PDGFRB: variants seen among roughly 807,000 people sequenced by gnomAD.
PDGFRB encodes platelet-derived growth factor receptor beta.
Under a neutral mutation model 120.2 loss-of-function variants are expected in PDGFRB, and 42 were observed. The ratio of observed to expected loss-of-function variants is 0.35; its 90% CI spans 0.27 to 0.45. The LOEUF (loss-of-function observed/expected upper bound fraction) is 0.45, where lower values mean the gene tolerates loss of function less well. PDGFRB is among the 20% of genes least tolerant of loss of function. The probability of loss-of-function intolerance (pLI) is 1.00; values close to 1 mark genes in which losing one functional copy is unlikely to be tolerated. For synonymous variants in PDGFRB, 586 were observed against 606.8 expected (o/e 0.97, Z 0.50); for missense variants, 1,149 against 1,476.3 (o/e 0.78, Z 3.63).
Position 150,126,654 on chromosome 5 carries a change from C to T in PDGFRB, c.1580-40G>A, listed in dbSNP as rs111808340. ...GAGAGCAGGCCATGAGCAAACTGGG[C>T]AGCTACCCTCCCCTCACCCCATCTT... On this transcript the variant is annotated intron_variant, in intron 10 of 22. Coordinates refer to ENST00000261799, the MANE Select transcript of PDGFRB (RefSeq NM_002609.4). The T allele has an allele frequency of 2.9e-6, 3 of 1,050,530 alleles. No individual in the cohort carries two copies. In the African/African-American group the frequency reaches 4.7e-5, roughly 16 times the overall value. The allele number at this position is 1,050,530 out of a possible 1,614,324, so 65.1% of individuals were successfully genotyped here.
At chr5:150,133,487 C>T (rs757273869) in intron 6 of PDGFRB, 99 bp downstream of exon 6, 76 of 1,020,958 alleles carry the variant, frequency 7.4e-5, no homozygotes, top group Non-Finnish European at 1.1e-4. Context: ...ATCACTGTAT[C>T]AAAAATGCAA....
rs114187490 is a variant in PDGFRB, at chr5:150,151,436, C to T, written c.-7+3961G>A. 7.1e-3 allele frequency among the ~76,000 whole-genome samples: 1,080 copies of T among 152,302 alleles called. 16 individuals carry two copies. Among genetic ancestry groups the T allele is most frequent in the African/African-American group, 0.025 (1,052 of 41,558 alleles). On this transcript the variant is annotated intron_variant, in intron 1 of 22. Transcript: ENST00000261799. ...TTTACACTGGATCCCCAGGGGCATC[C>T]CAGGCCCCATCCAGCCTCTCATCAA...
At chr5:150,150,706 T>C (rs58746386) in intron 1 of PDGFRB, among the ~76,000 whole-genome samples, 28,237 of 151,822 alleles carry the variant, frequency 0.19, 2,830 homozygotes, top group Middle Eastern at 0.28. Context: ...AGGAGGGATG[T>C]GAAGTGGGCT....
At chr5:150,119,625 C>A in intron 19 of PDGFRB, 59 bp from the exon 20 acceptor site, 1 of 1,002,418 alleles carries the variant, frequency 1.0e-6, no homozygotes, top group African/African-American at 1.6e-5. Context: ...TGGCAGGGCA[C>A]CCTCTTCTAC....
chr5:150,119,472 G>A lies in PDGFRB; in HGVS notation c.2793C>T (p.Asp931=), dbSNP rs751315712. ...ATGCATGAGACTCCACTCACATCTC[G>A]TCGGAGGCATGGGCAGGCTGGGCCA... The part of the protein sequence containing the change: ...YRMAQPAHAS[D]EIYEIMQKCW... The change falls in exon 20 of 23, where the codon GAC becomes GAT. Residue 931 remains aspartate, a synonymous_variant. Transcript: ENST00000261799. 6.3e-6 allele frequency: 10 copies of A among 1,575,942 alleles called. No individual in the cohort carries two copies. The highest frequency in any genetic ancestry group is 4.5e-5 in the East Asian group (2 of 44,752).
At chr5:150,125,620 A>G (rs2113897294) in intron 11 of PDGFRB, 43 bp from the exon 12 acceptor site, 1 of 1,607,430 alleles carries the variant, frequency 6.2e-7, no homozygotes, top group East Asian at 2.2e-5. Context: ...AGGGAGTCTC[A>G]GGCCCTGAGC....
intron 9 of PDGFRB, among the ~76,000 whole-genome samples, chr5:150,130,246 A>G (rs577445558): frequency 6.6e-6 from 1 of 152,312 alleles, no homozygotes; most frequent in Non-Finnish European, 1.5e-5. Flanking sequence ...GCCTCTGTCC[A>G]CTGCATTAGA....
chr5:150,126,540 G>T lies in PDGFRB; in HGVS notation c.1654C>A (p.Leu552Ile), dbSNP rs576771944. The T allele has an allele frequency of 1.3e-6, 2 of 1,599,672 alleles. No individual in the cohort carries two copies. Among genetic ancestry groups the T allele is most frequent in the South Asian group, 1.1e-5 (1 of 90,754 alleles). Residue 552 changes from leucine (L) to isoleucine (I), a missense_variant, in exon 11 of 23, where the codon CTC (leucine) becomes ATC (isoleucine). This residue lies in a region of PDGFRB where 879 missense variants were observed against 1,108.6 expected (regional missense o/e 0.79). Transcript: ENST00000261799. ...VVLTIISLII[L>I]IMLWQKKPRY... is the part of the protein sequence containing the mutation. The stretch of plus-strand genomic sequence containing the variant: ...CTTACCTTCTGCCAAAGCATGATGA[G>T]GATGATAAGGGAGATGATGGTGAGC...
chr5:150,152,198 T>G (rs1761097791), intron 1 of PDGFRB, among the ~76,000 whole-genome samples: 1 of 152,160 alleles, frequency 6.6e-6, no homozygotes, highest in Non-Finnish European at 1.5e-5. Context: ...TGAGCCACCG[T>G]GCCCAGCCTC....
rs775066954 is a variant in PDGFRB at position 150,120,852 on chromosome 5, T to C, written c.2586+36A>G. ...AATCTGTTCCTGCGGTCACAGGCAC[T>C]GTGACTGCCCTGCAGGGGCCAGGGA... is the stretch of plus-strand genomic sequence containing the variant. On this transcript the variant is annotated intron_variant, in intron 18 of 22. Coordinates refer to ENST00000261799, the MANE Select transcript of PDGFRB (RefSeq NM_002609.4). This position sits in a 1 kb window ranked among gnomAD's most constrained non-coding sequence, Gnocchi z 4.3. 1.0e-5 allele frequency: 16 copies of C among 1,607,616 alleles called. No homozygotes were observed. Among genetic ancestry groups the C allele is most frequent in the Non-Finnish European group, 1.4e-5 (16 of 1,174,298 alleles).
At position 150,135,744 on chromosome 5, in the gene PDGFRB, G is replaced by A. The variant is rs144954868; in HGVS notation, c.175C>T (p.Pro59Ser). ...TFVLTCSGSA[P>S]VVWERMSQEP... ...TGGGACATCCGTTCCCACACCACCG[G>A]AGCTGAACCCGAGCAGGTCAGAACG... The change falls in exon 3 of 23, where the codon CCG becomes TCG. Residue 59 changes from proline to serine, a missense_variant. Physicochemically the swap from Pro to Ser is moderately conservative, Grantham distance 74 (BLOSUM62 -1). Around this residue, in one of 3 missense-constraint regions of PDGFRB, gnomAD observed 879 missense variants for 1,108.6 expected, o/e 0.79. Transcript: ENST00000261799. The A allele has an allele frequency of 6.2e-7, 1 of 1,614,144 alleles. No individual in the cohort carries two copies. The highest frequency in any genetic ancestry group is 8.5e-7 in the Non-Finnish European group (1 of 1,180,004).
intron 10 of PDGFRB, among the ~76,000 whole-genome samples, chr5:150,129,526 G>A (rs528737559): frequency 1.3e-5 from 2 of 152,320 alleles, no homozygotes; most frequent in East Asian, 3.9e-4. Context: ...CCACACTGAA[G>A]GATATTCATA....
rs1255645785 is a variant in PDGFRB at position 150,120,963 on chromosome 5, G to A, written c.2511C>T (p.Gly837=). The change falls in exon 18 of 23, where the codon GGC becomes GGT. Residue 837 remains glycine, a synonymous_variant. Coordinates refer to ENST00000261799, the MANE Select transcript of PDGFRB (RefSeq NM_002609.4). The surrounding 1 kb of genome is among the most constrained non-coding windows in gnomAD (Gnocchi z 4.3). ...CAAAGTCACAGATCTTGACCAGCTT[G>A]CCTTCACAGATGAGCACGTTCCTAG... ...LAARNVLICE[G]KLVKICDFGL... is the part of the protein sequence containing the mutation. 1.2e-6 allele frequency: 2 copies of A among 1,613,652 alleles called. No homozygotes were observed. The highest frequency in any genetic ancestry group is 2.7e-5 in the African/African-American group (2 of 74,882).
chr5:150,127,328 C>T (rs1393410678), intron 10 of PDGFRB, among the ~76,000 whole-genome samples: 1 of 152,192 alleles, frequency 6.6e-6, no homozygotes, highest in Non-Finnish European at 1.5e-5. Context: ...CTCTCCCCTG[C>T]CCTGCCCTGC....
chr5:150,125,776 C>G (rs1760277785), intron 11 of PDGFRB, among the ~76,000 whole-genome samples, 199 bp from the exon 12 acceptor site: 1 of 152,210 alleles, frequency 6.6e-6, no homozygotes, highest in Admixed American at 6.5e-5. Flanking sequence ...CAAGGGGCCC[C>G]AGAGGAGGCT....
intron 1 of PDGFRB, 111 bp from the exon 2 acceptor site, chr5:150,137,164 A>C: frequency 2.4e-6 from 2 of 816,652 alleles, no homozygotes; most frequent in Non-Finnish European, 3.9e-6. Context: ...CCCAGCCTTC[A>C]TGTCCGAGGG....
chr5:150,116,782 G>A (rs1408553009), intron 22 of PDGFRB, among the ~76,000 whole-genome samples: 1 of 152,166 alleles, frequency 6.6e-6, no homozygotes, highest in African/African-American at 2.4e-5. Context: ...CTCTTGGATG[G>A]TTGGCCTCTT....
At chr5:150,151,880 A>T (rs926335677) in intron 1 of PDGFRB, among the ~76,000 whole-genome samples, 5 of 150,670 alleles carry the variant, frequency 3.3e-5, no homozygotes, top group African/African-American at 1.2e-4. Flanking sequence ...AAAAAAAAAA[A>T]AGTGGGGAGA....
chr5:150,117,531 C>CGT (rs1759979734), intron 22 of PDGFRB, 87 bp downstream of exon 22: 34 of 573,442 alleles, frequency 5.9e-5, no homozygotes, highest in South Asian at 4.9e-4. Flanking sequence ...CCTGGCAGCG[C>CGT]GCGCGCGCGC....
Sources: allele counts gnomAD v4.1 joint callset (sites outside exome capture counted in the v4.1 genomes callset), GRCh38; gene constraint gnomAD v4.1.1; regional missense constraint gnomAD v4.1.1; non-coding constraint Gnocchi (gnomAD v3.1); transcripts MANE v1.5; gene names NCBI Gene and HGNC (gene_info 2026-07-23, HGNC 2026-07-21).